Variants in RBFOX1 observed in about 807,000 individuals in gnomAD.
RBFOX1 encodes RNA binding fox-1 homolog 1.
RBFOX1 carries 8 observed loss-of-function variants against 57.7 expected under a neutral mutation model. The observed-to-expected ratio is 0.14, with a 90% CI of 0.08 to 0.25. The LOEUF is 0.25. RBFOX1 is among the 10% of genes least tolerant of loss of function. RBFOX1 has a pLI of 1.00. For missense variants in RBFOX1, 611 were observed against 548.5 expected, an observed-to-expected ratio of 1.11 and a Z score of -1.14; for synonymous variants, 326 against 222.4, an observed-to-expected ratio of 1.47 and a Z score of -4.15.
chr16:7,637,859 G>A (rs1337033526), intron 11 of RBFOX1, among the ~76,000 whole-genome samples: 1 of 152,118 alleles, frequency 6.6e-6, no homozygotes, highest in Admixed American at 6.5e-5. Flanking sequence ...CTCATAAATA[G>A]CATTTTAATG....
chr16:6,640,662 A>T (rs1200927897), intron 2 of RBFOX1, among the ~76,000 whole-genome samples: 1 of 152,160 alleles, frequency 6.6e-6, no homozygotes, highest in African/African-American at 2.4e-5. Flanking sequence ...CAGTGTGGGA[A>T]GTAGGTACAT....
chr16:7,003,190 G>A (rs1009492917), intron 3 of RBFOX1, among the ~76,000 whole-genome samples: 1 of 152,166 alleles, frequency 6.6e-6, no homozygotes, highest in Non-Finnish European at 1.5e-5. Context: ...GCCAGGCACG[G>A]TGGCTCACGC....
intron 4 of RBFOX1, among the ~76,000 whole-genome samples, chr16:7,127,623 G>A (rs556388447): frequency 3.3e-5 from 5 of 152,224 alleles, no homozygotes; most frequent in African/African-American, 4.8e-5. Flanking sequence ...AGTGAGAGTC[G>A]GGAGTAAGGG....
chr16:6,397,449 A>T (rs1039049846), intron 2 of RBFOX1, among the ~76,000 whole-genome samples: 1 of 152,216 alleles, frequency 6.6e-6, no homozygotes, highest in African/African-American at 2.4e-5. Flanking sequence ...CATAAAAAAA[A>T]AATCCTTCAC....
intron 4 of RBFOX1, among the ~76,000 whole-genome samples, chr16:7,353,362 C>T (rs573323317): frequency 6.6e-5 from 10 of 152,072 alleles, no homozygotes; most frequent in African/African-American, 2.4e-4. Context: ...ACATTGCTGG[C>T]AGGAATGTAA....
intron 1 of RBFOX1, among the ~76,000 whole-genome samples, chr16:6,049,689 C>G (rs142794992): frequency 6.6e-6 from 1 of 151,884 alleles, no homozygotes; most frequent in Non-Finnish European, 1.5e-5. Flanking sequence ...TTCTTATTTC[C>G]AATTCTAAAA....
chr16:5,865,742 C>T (rs149028274), intron 3 of RBFOX1, among the ~76,000 whole-genome samples: 14 of 152,306 alleles, frequency 9.2e-5, no homozygotes, highest in African/African-American at 3.1e-4. Flanking sequence ...ACACCATGGA[C>T]TGCAGCTTAA....
Position 5,768,811 on chromosome 16 carries a change from G to C in RBFOX1, c.319-98492G>C, listed in dbSNP as rs575431489. Among the ~76,000 whole-genome samples the C allele has an allele frequency of 1.3e-3, 199 of 152,220 alleles. 1 individual carries two copies. Among genetic ancestry groups the C allele is most frequent in the African/African-American group, 4.5e-3 (188 of 41,518 alleles). The stretch of plus-strand genomic sequence containing the variant: ...TGTGTCCAAATGGAGTCCCCTCCAC[G>C]GAACATGGGTATGAGATGCCCAGAG... On this transcript the variant is annotated intron_variant, in intron 3 of 19. Coordinates refer to the RBFOX1 transcript ENST00000641259.
At chr16:5,590,395 A>T (rs8054566) in intron 2 of RBFOX1, among the ~76,000 whole-genome samples, 30,421 of 152,060 alleles carry the variant, frequency 0.2, 3,434 homozygotes, top group East Asian at 0.32. Context: ...TTTACACAGA[A>T]TTTTCTAAGT....
At chr16:7,089,914 A>AG (rs930473604) in intron 4 of RBFOX1, among the ~76,000 whole-genome samples, 2 of 3,024 alleles carry the variant, frequency 6.6e-4, no homozygotes, top group African/African-American at 2.4e-3. Context: ...TTCTGCATTC[A>AG]AAAAAAAAAT....
At chr16:6,424,131 C>T (rs553238654) in intron 2 of RBFOX1, among the ~76,000 whole-genome samples, 7 of 152,100 alleles carry the variant, frequency 4.6e-5, no homozygotes, top group South Asian at 4.1e-4. Flanking sequence ...CCCAGCTACT[C>T]GGGAGGCTGA....
chr16:7,581,008 G>T (rs1555629182), intron 6 of RBFOX1, among the ~76,000 whole-genome samples: 1 of 152,132 alleles, frequency 6.6e-6, no homozygotes, highest in Non-Finnish European at 1.5e-5. Flanking sequence ...AGTTGGTGGT[G>T]TCTCCATATA....
At chr16:6,489,949 T>C (rs1373563466) in intron 2 of RBFOX1, among the ~76,000 whole-genome samples, 1 of 152,156 alleles carries the variant, frequency 6.6e-6, no homozygotes, top group Non-Finnish European at 1.5e-5. Flanking sequence ...CAACTGGATC[T>C]CCTAAGGTGT....
intron 1 of RBFOX1, among the ~76,000 whole-genome samples, chr16:6,309,391 G>T (rs1567904482): frequency 6.6e-6 from 1 of 152,146 alleles, no homozygotes; most frequent in African/African-American, 2.4e-5. Context: ...CTGACAGACA[G>T]TGCAAATTAA....
chr16:5,752,447 A>G (rs1257433324), intron 3 of RBFOX1, among the ~76,000 whole-genome samples: 1 of 152,180 alleles, frequency 6.6e-6, no homozygotes, highest in Non-Finnish European at 1.5e-5. Context: ...TTTTGCTCCA[A>G]ACATTCACTA....
At chr16:7,707,042 AG>A (rs2082685473) in intron 14 of RBFOX1, among the ~76,000 whole-genome samples, 1 of 152,210 alleles carries the variant, frequency 6.6e-6, no homozygotes. Flanking sequence ...GAAAGGCAAG[AG>A]GGAGATGACT....
chr16:6,746,371 G>A (rs9923717), intron 3 of RBFOX1, among the ~76,000 whole-genome samples: 15,754 of 152,122 alleles, frequency 0.1, 1,105 homozygotes, highest in African/African-American at 0.2. Flanking sequence ...TTAATGGAAA[G>A]CTACAATAAT....
intron 2 of RBFOX1, among the ~76,000 whole-genome samples, chr16:6,595,398 T>C (rs147563915): frequency 9.5e-4 from 144 of 152,346 alleles, no homozygotes; most frequent in African/African-American, 3.3e-3. Flanking sequence ...TTAATTCACG[T>C]TTTGTAGCCA....
chr16:6,871,667 C>T (rs1324171869), intron 3 of RBFOX1, among the ~76,000 whole-genome samples: 1 of 125,588 alleles, frequency 8.0e-6, no homozygotes, highest in East Asian at 2.1e-4. Context: ...CTAAACTGGC[C>T]TTTCTTCCTC....
Sources: allele counts gnomAD v4.1 joint callset (sites outside exome capture counted in the v4.1 genomes callset), GRCh38; gene constraint gnomAD v4.1.1; transcripts MANE v1.5; gene names NCBI Gene and HGNC (gene_info 2026-07-23, HGNC 2026-07-21).